Variants in MED21 observed in about 807,000 individuals in gnomAD.
The protein encoded by MED21 is mediator complex subunit 21, also known as mediator of RNA polymerase II transcription subunit 21.
In MED21, 9 loss-of-function variants were observed where a neutral mutation model predicts 18.2. That is an observed-to-expected ratio of 0.49 (90% CI 0.30 to 0.86). The LOEUF (loss-of-function observed/expected upper bound fraction) is 0.86. Ranked by LOEUF, MED21 falls within the 40% of genes least tolerant of loss-of-function variation. MED21 has a pLI of 0.07. For synonymous variants in MED21, 73 were observed against 60.5 expected (o/e 1.21, Z -0.96); for missense variants, 150 against 170.9 (o/e 0.88, Z 0.68).
rs1565481224 is a variant in MED21 at position 27,030,122 on chromosome 12, G to A, written c.*1661G>A. 5 of 604,184 alleles carry A rather than the reference G, an allele frequency of 8.3e-6. No homozygotes were observed. Among genetic ancestry groups the A allele is most frequent in the Non-Finnish European group, 1.5e-5 (5 of 332,382 alleles). 37.4% of individuals were successfully genotyped at this position (604,184 alleles called of 1,614,324 possible). A position where few individuals can be genotyped will look rare whatever the true frequency, so the allele number is the denominator to read the frequency against. ...TGTGATTCTCTGTAGAGGATATACA[G>A]TTTTTTTTTGTTGTTCTTGTTTCTG... On this transcript the variant is annotated 3_prime_UTR_variant, in exon 4 of 4. Coordinates refer to ENST00000282892, the MANE Select transcript of MED21 (RefSeq NM_004264.5).
chr12:27,030,148 T>A lies in MED21; in HGVS notation c.*1687T>A, dbSNP rs1941600541. ...TTTTTTTTTGTTGTTCTTGTTTCTG[T>A]TTTTTTAAGGTGAAGTCTCTGTCAC... On this transcript the variant is annotated 3_prime_UTR_variant, in exon 4 of 4. Transcript: ENST00000282892. The A allele has an allele frequency of 4.6e-6, 3 of 658,694 alleles. No homozygotes were observed. Among genetic ancestry groups the A allele is most frequent in the Non-Finnish European group, 2.8e-6 (1 of 360,364 alleles). 40.8% of individuals were successfully genotyped at this position (658,694 alleles called of 1,614,324 possible).
intron 1 of MED21, among the ~76,000 whole-genome samples, chr12:27,023,402 C>T (rs1257646092): frequency 7.8e-6 from 1 of 128,880 alleles, no homozygotes; most frequent in East Asian, 2.0e-4. Context: ...CGGGTTCAAG[C>T]GATTCTCCTG....
downstream of MED21, among the ~76,000 whole-genome samples, chr12:27,033,590 A>C (rs1941632561): frequency 6.6e-6 from 1 of 152,148 alleles, no homozygotes; most frequent in Admixed American, 6.5e-5. Flanking sequence ...AAAAAATCTC[A>C]TGGACTCTCA....
intron 2 of MED21, chr12:27,037,694 G>T (rs1336378449): frequency 1.3e-5 from 2 of 152,100 alleles, no homozygotes; most frequent in African/African-American, 4.8e-5. Context: ...TATCAATTTA[G>T]AGATGCCCTT....
At chr12:27,024,233 A>G (rs1941514495) in intron 1 of MED21, among the ~76,000 whole-genome samples, 2 of 152,042 alleles carry the variant, frequency 1.3e-5, no homozygotes, top group African/African-American at 4.8e-5. Context: ...AATGTCCTAG[A>G]TAAGGGGCTA....
At position 27,030,100 on chromosome 12, in the gene MED21, G is replaced by C. The variant is rs1941599013; in HGVS notation, c.*1639G>C. ...GAAAAAAATTAACGTTGTTGTATGT[G>C]ATTCTCTGTAGAGGATATACAGTTT... On this transcript the variant is annotated 3_prime_UTR_variant, in exon 4 of 4. Transcript: ENST00000282892. The C allele has an allele frequency of 1.9e-6, 1 of 517,386 alleles. No individual in the cohort carries two copies. The highest frequency in any genetic ancestry group is 3.5e-6 in the Non-Finnish European group (1 of 286,476). 32.0% of individuals were successfully genotyped at this position (517,386 alleles called of 1,614,324 possible).
At chr12:27,036,007 T>A (rs376576181) in intron 2 of MED21, among the ~76,000 whole-genome samples, 1 of 152,182 alleles carries the variant, frequency 6.6e-6, no homozygotes, top group East Asian at 1.9e-4. Flanking sequence ...CCCTGAGGAA[T>A]CACCACACTG....
chr12:27,034,041 G>GCC (rs1381644745), downstream of MED21, among the ~76,000 whole-genome samples: 1 of 152,118 alleles, frequency 6.6e-6, no homozygotes, highest in Non-Finnish European at 1.5e-5. Context: ...GCTGAAAAAA[G>GCC]AGTTTTGACT....
chr12:27,022,771 C>T (rs1386564418), intron 1 of MED21, 150 bp downstream of exon 1: 2 of 1,533,376 alleles, frequency 1.3e-6, no homozygotes, highest in Non-Finnish European at 1.8e-6. Flanking sequence ...GGCGCCACCG[C>T]GAACTCGGAG....
At chr12:27,031,885 G>A (rs1037015993), downstream of MED21, among the ~76,000 whole-genome samples, 2 of 152,124 alleles carry the variant, frequency 1.3e-5, no homozygotes, top group Non-Finnish European at 1.5e-5. Context: ...TGCCAGTTAA[G>A]TCCAGGTCAG....
At chr12:27,035,788 A>G (rs1941646171) in intron 2 of MED21, among the ~76,000 whole-genome samples, 2 of 151,754 alleles carry the variant, frequency 1.3e-5, no homozygotes, top group South Asian at 4.2e-4. Context: ...TTATGGCTGC[A>G]TAGTATTCCA....
intron 3 of MED21, 116 bp from the exon 4 acceptor site, chr12:27,028,169 C>A: frequency 7.8e-7 from 1 of 1,280,808 alleles, no homozygotes. Flanking sequence ...TTTAGAATTT[C>A]TTTACTGAAA....
At chr12:27,037,316 C>T (rs1427187334) in intron 2 of MED21, 1 of 151,834 alleles carries the variant, frequency 6.6e-6, no homozygotes, top group Non-Finnish European at 1.5e-5. Context: ...GCTGAAGTTG[C>T]TTATCAGCTT....
At chr12:27,023,552 C>T (rs1941505118) in intron 1 of MED21, among the ~76,000 whole-genome samples, 1 of 152,136 alleles carries the variant, frequency 6.6e-6, no homozygotes, top group Non-Finnish European at 1.5e-5. Flanking sequence ...CCGCCTCGGC[C>T]TCCCATAGTG....
chr12:27,029,299 C>CGT lies in MED21; in HGVS notation c.*838_*839insGT. The stretch of plus-strand genomic sequence containing the variant: ...GTCAGACCAGAACATACTTCCACTA[C>CGT]ATCAGTTACTTGGCATCATTTCACC... On this transcript the variant is annotated 3_prime_UTR_variant, in exon 4 of 4. Transcript: ENST00000282892. 1.0e-6 allele frequency: 1 copy of CGT among 985,368 alleles called. No homozygotes were observed. The highest frequency in any genetic ancestry group is 1.2e-6 in the Non-Finnish European group (1 of 829,880). The allele number at this position is 985,368 out of a possible 1,614,324, so 61.0% of individuals were successfully genotyped here. A position where few individuals can be genotyped will look rare whatever the true frequency, so the allele number is the denominator to read the frequency against.
chr12:27,032,398 A>T (rs1249362547), downstream of MED21, among the ~76,000 whole-genome samples: 1 of 152,146 alleles, frequency 6.6e-6, no homozygotes, highest in African/African-American at 2.4e-5. Context: ...TCTACTTCAG[A>T]TGTGTTGCTG....
chr12:27,025,644 A>C (rs1941534343), intron 1 of MED21, among the ~76,000 whole-genome samples: 1 of 152,216 alleles, frequency 6.6e-6, no homozygotes, highest in South Asian at 2.1e-4. Flanking sequence ...GAGACTTTCA[A>C]TACAAATTAA....
chr12:27,033,597 C>A (rs1309244564), downstream of MED21, among the ~76,000 whole-genome samples: 1 of 152,140 alleles, frequency 6.6e-6, no homozygotes, highest in Non-Finnish European at 1.5e-5. Flanking sequence ...CTCATGGACT[C>A]TCATTGATAG....
downstream of MED21, among the ~76,000 whole-genome samples, chr12:27,031,488 G>A (rs1054011951): frequency 6.6e-6 from 1 of 152,110 alleles, no homozygotes; most frequent in Non-Finnish European, 1.5e-5. Context: ...CCCTGTGTCT[G>A]GGCATTAGTT....
Sources: allele counts gnomAD v4.1 joint callset (sites outside exome capture counted in the v4.1 genomes callset), GRCh38; gene constraint gnomAD v4.1.1; transcripts MANE v1.5; gene names NCBI Gene and HGNC (gene_info 2026-07-23, HGNC 2026-07-21).